Variants in GFRA1 observed in about 807,000 individuals in gnomAD.
The protein encoded by GFRA1 is GDNF family receptor alpha 1.
In GFRA1, 16 loss-of-function variants were observed where a neutral mutation model predicts 51.6. The observed-to-expected ratio is 0.31, with a 90% CI of 0.21 to 0.47. The LOEUF is 0.47. Ranked by LOEUF, GFRA1 falls within the 20% of genes least tolerant of loss-of-function variation. The pLI, the probability that GFRA1 is intolerant of heterozygous loss-of-function variation, is 1.00. For synonymous variants in GFRA1, 270 were observed against 241.3 expected, an observed-to-expected ratio of 1.12 and a Z score of -1.10; for missense variants, 530 against 594.3, an observed-to-expected ratio of 0.89 and a Z score of 1.13.
intron 9 of GFRA1, among the ~76,000 whole-genome samples, chr10:116,076,567 T>C (rs139001077): frequency 1.1e-4 from 17 of 152,266 alleles, no homozygotes; most frequent in African/African-American, 4.1e-4. Flanking sequence ...CACATAAAGG[T>C]ACCACACTGC....
Position 116,093,703 on chromosome 10 carries a change from A to G in GFRA1, c.1014T>C (p.Leu338=). ...FLNFFKDNTC[L]KNAIQAFGNG... ...GTTTCTTATTTTTTACAAACTCACTAAGACATGTATTGTCCTTGAAGAAAT... is the reference window on the plus strand; with the variant it reads ...GTTTCTTATTTTTTACAAACTCACTGAGACATGTATTGTCCTTGAAGAAAT... Residue 338 remains leucine (L), a splice_region_variant and synonymous_variant, in exon 8 of 11, where the codon CTT becomes CTC. Coordinates refer to ENST00000355422, the MANE Select transcript of GFRA1 (RefSeq NM_005264.8). 5 of 1,613,658 alleles carry G rather than the reference A, an allele frequency of 3.1e-6. No homozygotes were observed. The highest frequency in any genetic ancestry group is 4.2e-6 in the Non-Finnish European group (5 of 1,179,542).
intron 6 of GFRA1, among the ~76,000 whole-genome samples, chr10:116,113,602 T>A (rs536597273): frequency 6.6e-6 from 1 of 152,296 alleles, no homozygotes; most frequent in East Asian, 1.9e-4. Flanking sequence ...GTGGGTGGTT[T>A]ACAAGACAGG....
At chr10:116,178,393 T>A (rs1484220422) in intron 5 of GFRA1, among the ~76,000 whole-genome samples, 2 of 152,190 alleles carry the variant, frequency 1.3e-5, no homozygotes, top group Non-Finnish European at 2.9e-5. Flanking sequence ...TTATTGTTAT[T>A]TGAATGTCTC....
chr10:116,197,392 T>C (rs905648014), intron 5 of GFRA1, among the ~76,000 whole-genome samples: 1 of 152,168 alleles, frequency 6.6e-6, no homozygotes, highest in African/African-American at 2.4e-5. Context: ...TCCCAGCCTC[T>C]AGAACTGCCA....
chr10:116,208,651 C>T (rs1964964290), intron 5 of GFRA1, among the ~76,000 whole-genome samples: 1 of 152,190 alleles, frequency 6.6e-6, no homozygotes, highest in Admixed American at 6.5e-5. Flanking sequence ...ACCGCGCCCA[C>T]TTACGCTTTA....
intron 5 of GFRA1, among the ~76,000 whole-genome samples, chr10:116,153,208 G>A (rs1168524728): frequency 6.6e-6 from 1 of 152,150 alleles, no homozygotes; most frequent in African/African-American, 2.4e-5. Flanking sequence ...TTTAGAGGTT[G>A]GACACGAAGG....
chr10:116,183,118 G>C (rs1418946665), intron 5 of GFRA1, among the ~76,000 whole-genome samples: 1 of 152,184 alleles, frequency 6.6e-6, no homozygotes, highest in African/African-American at 2.4e-5. Context: ...TTTCCTCAGA[G>C]GGAACAAGTA....
At chr10:116,125,764 C>T (rs543116062) in intron 5 of GFRA1, among the ~76,000 whole-genome samples, 1 of 152,276 alleles carries the variant, frequency 6.6e-6, no homozygotes, top group Non-Finnish European at 1.5e-5. Context: ...CACAAAAGCC[C>T]CTAATATTCC....
intron 5 of GFRA1, among the ~76,000 whole-genome samples, chr10:116,209,828 G>A (rs902843182): frequency 3.3e-5 from 5 of 152,064 alleles, no homozygotes; most frequent in South Asian, 4.2e-4. Flanking sequence ...GGGTACCAGC[G>A]GGCGAGTTCT....
intron 4 of GFRA1, among the ~76,000 whole-genome samples, chr10:116,215,133 A>G (rs1169576596): frequency 1.3e-5 from 2 of 152,176 alleles, no homozygotes; most frequent in South Asian, 2.1e-4. Context: ...TCTTACTATT[A>G]TTTATCTTTT....
At chr10:116,093,272 A>C (rs539909783) in intron 8 of GFRA1, among the ~76,000 whole-genome samples, 2 of 152,100 alleles carry the variant, frequency 1.3e-5, no homozygotes, top group South Asian at 4.2e-4. Context: ...ATCCCCATCT[A>C]ATTTGTCTGA....
At chr10:116,187,187 G>T (rs1048128798) in intron 5 of GFRA1, among the ~76,000 whole-genome samples, 2 of 152,212 alleles carry the variant, frequency 1.3e-5, no homozygotes, top group Non-Finnish European at 2.9e-5. Flanking sequence ...AAAGCACCAA[G>T]TAGTCTAGAA....
chr10:116,241,177 G>A (rs1341975774), intron 4 of GFRA1, among the ~76,000 whole-genome samples: 1 of 152,180 alleles, frequency 6.6e-6, no homozygotes, highest in Admixed American at 6.5e-5. Flanking sequence ...AATAGTGATA[G>A]TGTGTTTTGC....
chr10:116,212,154 G>T (rs2694771), intron 4 of GFRA1, among the ~76,000 whole-genome samples: 95,527 of 151,930 alleles, frequency 0.63, 31,889 homozygotes, highest in African/African-American at 0.87. Flanking sequence ...TTAAAAAAAT[G>T]AATGTATTTT....
intron 6 of GFRA1, among the ~76,000 whole-genome samples, chr10:116,118,719 A>G (rs1033573609): frequency 2.0e-5 from 3 of 152,352 alleles, no homozygotes; most frequent in Middle Eastern, 3.4e-3. Context: ...CCATCTGTCC[A>G]CAATGATCAA....
Position 116,211,616 on chromosome 10 carries a change from A to G in GFRA1, c.433+15T>C, listed in dbSNP as rs1965199952. ...CACAGCCAGTGAAAAAGCAGGCAGG[A>G]AACAGTGAACTTACCTTGCTGAAAA... On this transcript the variant is annotated intron_variant, in intron 5 of 10. Transcript: ENST00000355422. The G allele has an allele frequency of 6.5e-7, 1 of 1,549,762 alleles. No homozygotes were observed. The highest frequency in any genetic ancestry group is 1.4e-5 in the African/African-American group (1 of 73,008).
At chr10:116,255,181 A>G in intron 4 of GFRA1, among the ~76,000 whole-genome samples, 1 of 152,200 alleles carries the variant, frequency 6.6e-6, no homozygotes, top group Admixed American at 6.5e-5. Flanking sequence ...TCGACAAGAT[A>G]TAGGATATGC....
chr10:116,173,156 C>T (rs749083672), intron 5 of GFRA1, among the ~76,000 whole-genome samples: 21 of 152,148 alleles, frequency 1.4e-4, no homozygotes, highest in Non-Finnish European at 2.6e-4. Flanking sequence ...TACATCAATA[C>T]ACATTTAAAA....
At chr10:116,257,764 G>C (rs941452190) in intron 4 of GFRA1, among the ~76,000 whole-genome samples, 5 of 151,436 alleles carry the variant, frequency 3.3e-5, no homozygotes, top group Non-Finnish European at 7.3e-5. Context: ...AAAAATTTCA[G>C]CAATGCTGAG....
Sources: allele counts gnomAD v4.1 joint callset (sites outside exome capture counted in the v4.1 genomes callset), GRCh38; gene constraint gnomAD v4.1.1; transcripts MANE v1.5; gene names NCBI Gene and HGNC (gene_info 2026-07-23, HGNC 2026-07-21).